Variants in VPS13B observed in about 807,000 individuals in gnomAD.
VPS13B encodes vacuolar protein sorting 13 homolog B.
In VPS13B, 285 loss-of-function variants were observed where a neutral mutation model predicts 426.4. That is an observed-to-expected ratio of 0.67 (90% confidence interval 0.61 to 0.74). The LOEUF (loss-of-function observed/expected upper bound fraction) is 0.74, where lower values mean the gene tolerates loss of function less well. Among genes scored for constraint, VPS13B ranks in the 30% least tolerant of loss-of-function variants. VPS13B has a pLI of 0.00. For synonymous variants in VPS13B, 1,676 were observed against 1,676.4 expected (o/e 1.00, Z 0.01); for missense variants, 4,537 against 4,782.6 (o/e 0.95, Z 1.51).
chr8:99,661,619 T>A, intron 35 of VPS13B, 128 bp downstream of exon 35: 1 of 1,193,194 alleles, frequency 8.4e-7, no homozygotes, highest in Non-Finnish European at 1.2e-6. Context: ...CCCAGAGGTG[T>A]ATGCTTTTCA....
At chr8:99,067,696 A>G (rs555656488) in intron 3 of VPS13B, among the ~76,000 whole-genome samples, 1 of 152,360 alleles carries the variant, frequency 6.6e-6, no homozygotes, top group South Asian at 2.1e-4. Context: ...ACAAGAATCT[A>G]TAAATATTAT....
At chr8:99,705,937 G>A (rs1171007992) in intron 36 of VPS13B, among the ~76,000 whole-genome samples, 1 of 152,082 alleles carries the variant, frequency 6.6e-6, no homozygotes, top group African/African-American at 2.4e-5. Flanking sequence ...GTGCTGTGGT[G>A]TAGTGAACAT....
chr8:99,201,147 A>T (rs550524346), intron 17 of VPS13B, among the ~76,000 whole-genome samples: 56 of 151,808 alleles, frequency 3.7e-4, no homozygotes, highest in Non-Finnish European at 6.5e-4. Context: ...CTGTTCTGTC[A>T]TTCCTGTTTG....
At chr8:99,618,282 CA>C (rs11301760) in intron 33 of VPS13B, among the ~76,000 whole-genome samples, 29,830 of 117,166 alleles carry the variant, frequency 0.25, 3,218 homozygotes, top group East Asian at 0.47. Context: ...GTGTATATTT[CA>C]AAAAAAAAAA....
chr8:99,354,265 C>CTTTTTTTT (rs1812058096), intron 19 of VPS13B, among the ~76,000 whole-genome samples: 1 of 53,986 alleles, frequency 1.9e-5, no homozygotes, highest in Non-Finnish European at 3.8e-5. Context: ...CCTCCCCCTG[C>CTTTTTTTT]CTTTTTTTTT....
chr8:99,386,005 G>A (rs189313161), intron 20 of VPS13B, among the ~76,000 whole-genome samples: 4 of 152,172 alleles, frequency 2.6e-5, no homozygotes, highest in Non-Finnish European at 5.9e-5. Flanking sequence ...GTAAAGAGGA[G>A]CTATAGGAAA....
intron 21 of VPS13B, among the ~76,000 whole-genome samples, chr8:99,421,783 TC>T (rs779871915): frequency 1.1e-3 from 166 of 152,224 alleles, no homozygotes; most frequent in Middle Eastern, 3.4e-3. Flanking sequence ...GCTGAAGAGA[TC>T]CTCCTGTCTC....
intron 15 of VPS13B, 79 bp downstream of exon 15, chr8:99,156,822 T>G (rs1811388293): frequency 2.1e-6 from 3 of 1,412,774 alleles, no homozygotes; most frequent in African/African-American, 2.8e-5. Flanking sequence ...TTTCTTGATG[T>G]TGTAATTTCA....
intron 19 of VPS13B, among the ~76,000 whole-genome samples, chr8:99,293,922 A>G (rs1208397407): frequency 1.8e-5 from 2 of 112,324 alleles, no homozygotes; most frequent in Non-Finnish European, 3.7e-5. Flanking sequence ...AGAAATAGGA[A>G]CACTTTTACA....
intron 28 of VPS13B, among the ~76,000 whole-genome samples, chr8:99,510,800 C>T (rs917736015): frequency 6.6e-6 from 1 of 152,172 alleles, no homozygotes; most frequent in Non-Finnish European, 1.5e-5. Context: ...GCATGAGCTA[C>T]CCCAGCCTCA....
intron 7 of VPS13B, among the ~76,000 whole-genome samples, chr8:99,119,921 C>T (rs1214492777): frequency 4.0e-5 from 6 of 151,578 alleles, no homozygotes; most frequent in African/African-American, 1.5e-4. Context: ...GGGTCTTGCT[C>T]TGTCACCCAG....
chr8:99,326,452 C>CTTTTTTTTTTT (rs747097247), intron 19 of VPS13B, among the ~76,000 whole-genome samples: 1,157 of 32,520 alleles, frequency 0.036, 413 homozygotes, highest in South Asian at 0.056. Context: ...CTCTAGGTAG[C>CTTTTTTTTTTT]TTTTTTTTTT....
chr8:99,415,884 C>T (rs908318494), intron 21 of VPS13B, among the ~76,000 whole-genome samples: 1 of 152,210 alleles, frequency 6.6e-6, no homozygotes, highest in African/African-American at 2.4e-5. Flanking sequence ...AGTCAGGAAG[C>T]ACGGGGGTCG....
intron 44 of VPS13B, among the ~76,000 whole-genome samples, chr8:99,813,490 G>T (rs1813841594): frequency 6.6e-6 from 1 of 152,212 alleles, no homozygotes; most frequent in Non-Finnish European, 1.5e-5. Context: ...TTTATTTCAA[G>T]TTAGGCAATG....
chr8:99,060,659 T>G (rs1844135220), intron 3 of VPS13B, among the ~76,000 whole-genome samples: 1 of 152,074 alleles, frequency 6.6e-6, no homozygotes, highest in Non-Finnish European at 1.5e-5. Flanking sequence ...TATTATATGA[T>G]GTATAATCCT....
intron 29 of VPS13B, among the ~76,000 whole-genome samples, chr8:99,516,458 A>G (rs548119394): frequency 1.1e-4 from 16 of 152,264 alleles, no homozygotes; most frequent in Admixed American, 3.9e-4. Flanking sequence ...AAGCCTTTAC[A>G]AGAAAGTTTG....
At chr8:99,539,741 A>G (rs1323911374) in intron 30 of VPS13B, among the ~76,000 whole-genome samples, 3 of 151,986 alleles carry the variant, frequency 2.0e-5, no homozygotes, top group African/African-American at 7.2e-5. Flanking sequence ...CTTGAGAAAA[A>G]GAATTAATTT....
intron 17 of VPS13B, among the ~76,000 whole-genome samples, chr8:99,266,286 C>T (rs909725420): frequency 1.3e-5 from 2 of 151,934 alleles, no homozygotes; most frequent in East Asian, 1.9e-4. Context: ...AGAGTACATG[C>T]CTGTAGTCCC....
At chr8:99,441,170 T>G (rs1251086431) in intron 22 of VPS13B, among the ~76,000 whole-genome samples, 2 of 152,074 alleles carry the variant, frequency 1.3e-5, no homozygotes, top group Non-Finnish European at 2.9e-5. Context: ...TTTTGCAAAA[T>G]TTTACCTGTA....
Sources: gnomAD v4.1 joint callset for allele counts (sites outside exome capture counted in the v4.1 genomes callset) on GRCh38, gnomAD v4.1.1 for gene constraint, MANE v1.5 for transcripts, NCBI Gene and HGNC (gene_info 2026-07-23, HGNC 2026-07-21) for gene names.